Variants in PRDM7 observed in about 807,000 individuals in gnomAD.
The protein encoded by PRDM7 is PR/SET domain 7, also known as histone-lysine N-methyltransferase PRDM7.
PRDM7 carries 52 observed loss-of-function variants against 64.3 expected under a neutral mutation model. The ratio of observed to expected loss-of-function variants is 0.81; its 90% CI spans 0.65 to 1.02. PRDM7 has a LOEUF of 1.02. PRDM7 is among the 50% of genes least tolerant of loss of function. PRDM7 has a pLI of 0.00. For synonymous variants in PRDM7, 192 were observed against 210.1 expected (o/e 0.91, Z 0.74); for missense variants, 574 against 597.1 (o/e 0.96, Z 0.40).
chr16:90,060,120 G>A (rs2037746927), intron 10 of PRDM7, among the ~76,000 whole-genome samples: 1 of 152,198 alleles, frequency 6.6e-6, no homozygotes. Flanking sequence ...CTTTGTGCAT[G>A]AAGTACTTTG....
chr16:90,066,152 C>G (rs1442504147), intron 5 of PRDM7, among the ~76,000 whole-genome samples: 3 of 151,366 alleles, frequency 2.0e-5, no homozygotes, highest in Non-Finnish European at 4.4e-5. Context: ...AGTCCTAAAC[C>G]ATTTTCTTAT....
In PRDM7 at chr16:90,075,118, C is replaced by T. The variant is rs1380795133; in HGVS notation, c.194-95G>A. On this transcript the variant is annotated intron_variant, in intron 3 of 10. Transcript: ENST00000449207. This position sits in a 1 kb window ranked among gnomAD's most constrained non-coding sequence, Gnocchi z 4.3. ...GGAAAGCACCACAAAGCCAGTGCTG[C>T]TCAGTCTGATGAGCTGGGAGAGTCT... 8 of 1,410,132 alleles carry T rather than the reference C, an allele frequency of 5.7e-6. No individual in the cohort carries two copies. The Admixed American group carries it at 1.5e-4, about 26-fold the overall frequency. The allele number at this position is 1,410,132 out of a possible 1,614,324, so 87.4% of individuals were successfully genotyped here.
At chr16:90,067,058 G>T in intron 4 of PRDM7, 148 bp from the exon 5 acceptor site, 1 of 666,574 alleles carries the variant, frequency 1.5e-6, no homozygotes, top group Non-Finnish European at 2.7e-6. Flanking sequence ...TCCGCCTCCC[G>T]GATTCAAGCA....
At chr16:90,076,133 G>A in intron 1 of PRDM7, 138 bp from the exon 2 acceptor site, 1 of 577,828 alleles carries the variant, frequency 1.7e-6, no homozygotes, top group Non-Finnish European at 3.1e-6. Context: ...CCCCAGGGAG[G>A]TCTGGGGGTA....
chr16:90,076,544 TAGAC>T (rs1455264296), intron 1 of PRDM7, among the ~76,000 whole-genome samples: 3 of 152,002 alleles, frequency 2.0e-5, no homozygotes, highest in Non-Finnish European at 2.9e-5. Flanking sequence ...TGAGATGTCT[TAGAC>T]TGAAGAAATT....
Position 90,057,812 on chromosome 16 carries a change from T to C in PRDM7, c.*477A>G. 2 of 1,417,466 alleles carry C rather than the reference T, an allele frequency of 1.4e-6. No individual in the cohort carries two copies. The highest frequency in any genetic ancestry group is 1.9e-6 in the Non-Finnish European group (2 of 1,058,142). The allele number at this position is 1,417,466 out of a possible 1,614,324, so 87.8% of individuals were successfully genotyped here. On this transcript the variant is annotated 3_prime_UTR_variant, in exon 11 of 11. Transcript: ENST00000449207. ...ATCACGTTTGTCTTCTTGTGGCTAT[T>C]GAGATAAGGTTTTATTACTAATGAC...
chr16:90,060,313 C>T (rs777491128), intron 10 of PRDM7, 28 bp downstream of exon 10: 5 of 1,613,686 alleles, frequency 3.1e-6, no homozygotes, highest in Admixed American at 1.7e-5. Flanking sequence ...CTTTCCTGTC[C>T]TTTTAAAAGA....
intron 1 of PRDM7, 81 bp from the exon 2 acceptor site, chr16:90,076,076 G>A (rs1210722049): frequency 2.5e-6 from 2 of 794,662 alleles, no homozygotes; most frequent in Admixed American, 5.1e-5. Flanking sequence ...CCATCTGGCT[G>A]GGGTGTTCAG....
Position 90,075,199 on chromosome 16 carries a change from C to A in PRDM7, c.193+152G>T, listed in dbSNP as rs2038018939. On this transcript the variant is annotated intron_variant, in intron 3 of 10. Transcript: ENST00000449207. The surrounding 1 kb of genome is among the most constrained non-coding windows in gnomAD (Gnocchi z 4.3). The stretch of plus-strand genomic sequence containing the variant: ...GTCAGTATCCACACACAACCCTGCA[C>A]TGACGCAAAAGAACAATATTTCCCT... 6.6e-6 allele frequency among the ~76,000 whole-genome samples: 1 copy of A among 152,166 alleles called. No homozygotes were observed. Among genetic ancestry groups the A allele is most frequent in the South Asian group, 2.1e-4 (1 of 4,830 alleles).
intron 4 of PRDM7, among the ~76,000 whole-genome samples, chr16:90,071,622 C>G (rs1408216719): frequency 1.3e-5 from 2 of 152,052 alleles, no homozygotes; most frequent in Non-Finnish European, 2.9e-5. Flanking sequence ...GGAACCCACT[C>G]CTGCAATAAC....
chr16:90,062,628 C>A lies in PRDM7; in HGVS notation c.509-126G>T, dbSNP rs2037802418. On this transcript the variant is annotated intron_variant, in intron 6 of 10. Coordinates refer to ENST00000449207, the MANE Select transcript of PRDM7 (RefSeq NM_001098173.2). Reference sequence around the variant, plus strand: ...CCTTTCTACATACTCTAGTCTCCCTCTGTTTACTGCTTCAGAGAGACTTAG... The same window carrying A: ...CCTTTCTACATACTCTAGTCTCCCTATGTTTACTGCTTCAGAGAGACTTAG... 2.7e-5 allele frequency: 23 copies of A among 863,626 alleles called. No individual in the cohort carries two copies. In the South Asian group the frequency reaches 3.1e-4, roughly 12 times the overall value. 53.5% of individuals were successfully genotyped at this position (863,626 alleles called of 1,614,324 possible). A position where few individuals can be genotyped will look rare whatever the true frequency, so the allele number is the denominator to read the frequency against.
At position 90,067,229 on chromosome 16, in the gene PRDM7, G is replaced by C. The variant is rs1389940677; in HGVS notation, c.302-319C>G. Among the ~76,000 whole-genome samples, 14 of 151,166 alleles carry C rather than the reference G, an allele frequency of 9.3e-5. 2 individuals are homozygous for C. The highest frequency in any genetic ancestry group is 3.4e-4 in the African/African-American group (14 of 40,584). ...GATCCACCTGCCTCGGACTCCCAAA[G>C]TGCTGAGATTACAGGCGTGAGCCAC... On this transcript the variant is annotated intron_variant, in intron 4 of 10. Transcript: ENST00000449207.
At position 90,062,042 on chromosome 16, in the gene PRDM7, G is replaced by A. The variant is rs1244922177; in HGVS notation, c.761C>T (p.Pro254Leu). 1 of 1,614,264 alleles carries A rather than the reference G, an allele frequency of 6.2e-7. No homozygotes were observed. The highest frequency in any genetic ancestry group is 2.2e-5 in the East Asian group (1 of 44,890). ...PGLRIGPSGI[P>L]QAGLGVWNEA... The stretch of plus-strand genomic sequence containing the variant: ...GTTCCATACTCCAAGCCCAGCCTGA[G>A]GGATGCCTGATGGCCCAATTCTCAG... The change falls in exon 8 of 11, where the codon CCT (proline) becomes CTT (leucine). Residue 254 changes from proline (P) to leucine (L), a missense_variant. By Grantham distance (98) the Pro-to-Leu change is moderately conservative. Coordinates refer to ENST00000449207, the MANE Select transcript of PRDM7 (RefSeq NM_001098173.2).
intron 4 of PRDM7, among the ~76,000 whole-genome samples, chr16:90,068,000 T>A (rs2037902950): frequency 6.6e-6 from 1 of 151,320 alleles, no homozygotes; most frequent in African/African-American, 2.5e-5. Context: ...GTCAACATAG[T>A]CCTGTAAGTC....
chr16:90,062,612 A>G, intron 6 of PRDM7, 110 bp from the exon 7 acceptor site: 1 of 975,830 alleles, frequency 1.0e-6, no homozygotes, highest in Admixed American at 1.7e-5. Flanking sequence ...ACCTTTCTAC[A>G]TACTCTAGTC....
intron 4 of PRDM7, among the ~76,000 whole-genome samples, chr16:90,070,638 T>C (rs2151311891): frequency 6.8e-6 from 1 of 147,122 alleles, no homozygotes; most frequent in South Asian, 2.1e-4. Flanking sequence ...GAGAAATTTC[T>C]TCTCCTTCCT....
rs1597695301 is a variant in PRDM7, at chr16:90,075,291, A to T, written c.193+60T>A. 4 of 1,612,606 alleles carry T rather than the reference A, an allele frequency of 2.5e-6. No homozygotes were observed. In the South Asian group the frequency reaches 4.4e-5, roughly 18 times the overall value. On this transcript the variant is annotated intron_variant, in intron 3 of 10. Transcript: ENST00000449207. The surrounding 1 kb of genome is among the most constrained non-coding windows in gnomAD (Gnocchi z 4.3). ...CGCCACCTGATAATTAAAATAATAT[A>T]GGGACCAAAGACCTGTTTTATATCG...
intron 5 of PRDM7, among the ~76,000 whole-genome samples, chr16:90,063,983 C>T (rs967122478): frequency 2.0e-5 from 3 of 152,144 alleles, no homozygotes; most frequent in Admixed American, 2.0e-4. Flanking sequence ...CCTCTCAAAA[C>T]GTTCTGTGTA....
chr16:90,075,153 T>G lies in PRDM7; in HGVS notation c.194-130A>C. ...TGAGCTGGGAGAGTCTTGAACAAGG[T>G]CAAGATGTGACCTCTGCATGGTCAG... On this transcript the variant is annotated intron_variant, in intron 3 of 10. Coordinates refer to ENST00000449207, the MANE Select transcript of PRDM7 (RefSeq NM_001098173.2). This position sits in a 1 kb window ranked among gnomAD's most constrained non-coding sequence, Gnocchi z 4.3. 2 of 1,356,764 alleles carry G rather than the reference T, an allele frequency of 1.5e-6. No individual in the cohort carries two copies. The highest frequency in any genetic ancestry group is 2.1e-6 in the Non-Finnish European group (2 of 964,780). The allele number at this position is 1,356,764 out of a possible 1,614,324, so 84.0% of individuals were successfully genotyped here.
Sources: gnomAD v4.1 joint callset for allele counts (sites outside exome capture counted in the v4.1 genomes callset) on GRCh38, gnomAD v4.1.1 for gene constraint, Gnocchi (gnomAD v3.1) non-coding constraint, MANE v1.5 for transcripts, NCBI Gene and HGNC (gene_info 2026-07-23, HGNC 2026-07-21) for gene names.